KCNG3: variants seen among roughly 807,000 people sequenced by gnomAD.
The protein encoded by KCNG3 is potassium voltage-gated channel modifier subfamily G member 3.
In KCNG3, 15 loss-of-function variants were observed where a neutral mutation model predicts 29.0. The observed-to-expected ratio is 0.52, with a 90% CI of 0.35 to 0.80. The LOEUF (loss-of-function observed/expected upper bound fraction) is 0.80, where lower values mean the gene tolerates loss of function less well. Among genes scored for constraint, KCNG3 ranks in the 30% least tolerant of loss-of-function variants. The pLI is 0.01. For synonymous variants in KCNG3, 322 were observed against 248.9 expected, an observed-to-expected ratio of 1.29 and a Z score of -2.76; for missense variants, 512 against 605.7, an observed-to-expected ratio of 0.85 and a Z score of 1.62.
chr2:42,465,661 G>C (rs1673124769), intron 1 of KCNG3, among the ~76,000 whole-genome samples: 1 of 152,078 alleles, frequency 6.6e-6, no homozygotes, highest in Non-Finnish European at 1.5e-5. Flanking sequence ...CTTTAGTATA[G>C]TAAAAGACAC....
chr2:42,452,243 A>ATATATATATATATATTTT lies in KCNG3; in HGVS notation c.666-7665_666-7664insAAAATATATATATATATA. Among the ~76,000 whole-genome samples the ATATATATATATATATTTT allele has an allele frequency of 2.6e-3, 246 of 95,000 alleles. 1 individual carries two copies. The highest frequency in any genetic ancestry group is 7.3e-3 in the East Asian group (16 of 2,178). The allele number at this position is 95,000 out of a possible 152,430, so 62.3% of individuals were successfully genotyped here. A position where few individuals can be genotyped will look rare whatever the true frequency, so the allele number is the denominator to read the frequency against. Reference sequence around the variant, plus strand: ...TAAATATATATATATATATATATATATTTTTTTTTTTTTTTTAAAGGAAAC... The same window carrying ATATATATATATATATTTT: ...TAAATATATATATATATATATATATATATATATATATATATTTTTTTTTTTTTTTTTTTTAAAGGAAAC... On this transcript the variant is annotated intron_variant, in intron 1 of 1. Coordinates refer to ENST00000306078, the MANE Select transcript of KCNG3 (RefSeq NM_133329.6).
At position 42,493,147 on chromosome 2, in the gene KCNG3, G is replaced by T; in HGVS notation, c.355C>A (p.Arg119Ser). The T allele has an allele frequency of 6.2e-7, 1 of 1,606,202 alleles. No individual in the cohort carries two copies. ...TAGAAGGTGTAGGTGTCGGACATGC[G>T]GTCGTCGAGGCGGCGCTGGCAGCAG... Reference protein sequence around the residue: ...EYCCQRRLDDRMSDTYTFYSA... With the variant: ...EYCCQRRLDDSMSDTYTFYSA... The change falls in exon 1 of 2, where the codon CGC (arginine) becomes AGC (serine). Residue 119 changes from arginine to serine, a missense_variant. By Grantham distance (110) the Arg-to-Ser change is moderately radical (BLOSUM62 -1). Around this residue, in one of 5 missense-constraint regions of KCNG3, gnomAD observed 228 missense variants for 200.0 expected, o/e 1.14. Coordinates refer to ENST00000306078, the MANE Select transcript of KCNG3 (RefSeq NM_133329.6).
chr2:42,444,383 A>T lies in KCNG3; in HGVS notation c.862T>A (p.Leu288Met). 1 of 1,614,172 alleles carries T rather than the reference A, an allele frequency of 6.2e-7. No homozygotes were observed. Among genetic ancestry groups the T allele is most frequent in the African/African-American group, 1.3e-5 (1 of 75,050 alleles). The change falls in exon 2 of 2, where the codon TTG becomes ATG. Residue 288 changes from leucine (L) to methionine (M), a missense_variant. This residue lies in a region of KCNG3 where 173 missense variants were observed against 262.4 expected (regional missense o/e 0.66). Coordinates refer to ENST00000306078, the MANE Select transcript of KCNG3 (RefSeq NM_133329.6). The surrounding 1 kb of genome is among the most constrained non-coding windows in gnomAD (Gnocchi z 5.8). ...ATCCTCATCATTCTAAGTACCCTCA[A>T]GGTGACTCCAGCCCTCTGGAGTTGA... ...NSQLQRAGVT[L>M]RVLRMMRIFW...
At chr2:42,482,016 A>C (rs1415331367) in intron 1 of KCNG3, among the ~76,000 whole-genome samples, 1 of 152,062 alleles carries the variant, frequency 6.6e-6, no homozygotes, top group Non-Finnish European at 1.5e-5. Context: ...TTGAGATGGG[A>C]TCTCACTATG....
At chr2:42,463,604 C>A in intron 1 of KCNG3, 1 of 171,902 alleles carries the variant, frequency 5.8e-6, no homozygotes, top group South Asian at 1.5e-4. Context: ...ATTGAAGCCT[C>A]AACAATCCAC....
In KCNG3 at chr2:42,471,363, C is replaced by A. The variant is rs1044320621; in HGVS notation, c.665+21474G>T. On this transcript the variant is annotated intron_variant, in intron 1 of 1. Transcript: ENST00000306078. ...GGAATAAAATACCACATGGATGAAT[C>A]TTGATAATAAACTAAGTGAAAGCAG... 5.7e-4 allele frequency among the ~76,000 whole-genome samples: 87 copies of A among 151,950 alleles called. 2 individuals are homozygous for A. The highest frequency in any genetic ancestry group is 1.5e-4 in the Non-Finnish European group (10 of 67,998).
chr2:42,443,821 C>T lies in KCNG3; in HGVS notation c.*113G>A. The T allele has an allele frequency of 9.9e-7, 1 of 1,008,388 alleles. No homozygotes were observed. The highest frequency in any genetic ancestry group is 1.5e-6 in the Non-Finnish European group (1 of 682,558). The allele number at this position is 1,008,388 out of a possible 1,614,324, so 62.5% of individuals were successfully genotyped here. On this transcript the variant is annotated 3_prime_UTR_variant, in exon 2 of 2. Coordinates refer to ENST00000306078, the MANE Select transcript of KCNG3 (RefSeq NM_133329.6). ...TCGGCTGGGAAGGATAATTTTTACC[C>T]TACCAAGATGATGACAATGCCACTG...
intron 1 of KCNG3, among the ~76,000 whole-genome samples, chr2:42,454,021 T>C (rs74363642): frequency 2.7e-4 from 40 of 150,596 alleles, no homozygotes; most frequent in Admixed American, 2.5e-3. Flanking sequence ...AATGAGCATA[T>C]GAAAAGATGC....
rs150218818 is a variant in KCNG3, at chr2:42,470,784, G to A, written c.665+22053C>T. On this transcript the variant is annotated intron_variant, in intron 1 of 1. Coordinates refer to ENST00000306078, the MANE Select transcript of KCNG3 (RefSeq NM_133329.6). ...CCAGGTACTCAGGAGGCTGACATGG[G>A]AGGCTGAGGCTGCAGTGAGCCATGG... Among the ~76,000 whole-genome samples the A allele has an allele frequency of 1.3e-3, 200 of 152,158 alleles. 1 individual carries two copies. Among genetic ancestry groups the A allele is most frequent in the Non-Finnish European group, 1.8e-3 (122 of 68,016 alleles).
chr2:42,452,243 A>ATATATATTTTTTTT, intron 1 of KCNG3, among the ~76,000 whole-genome samples: 88 of 95,032 alleles, frequency 9.3e-4, no homozygotes, highest in Non-Finnish European at 1.5e-3. Flanking sequence ...ATATATATAT[A>ATATATATTTTTTTT]TTTTTTTTTT....
At chr2:42,427,509 G>A in the KCNG3 span, among the ~76,000 whole-genome samples, 1 of 152,084 alleles carries the variant, frequency 6.6e-6, no homozygotes, top group African/African-American at 2.4e-5. Context: ...GGGAGGCTGA[G>A]GTGGGAGCAT....
chr2:42,461,145 A>T (rs1274833959), intron 1 of KCNG3, among the ~76,000 whole-genome samples: 3 of 146,232 alleles, frequency 2.1e-5, no homozygotes, highest in African/African-American at 5.1e-5. Flanking sequence ...TGGGTGACAC[A>T]GCAAGACTCT....
At chr2:42,406,315 G>A in the KCNG3 span, among the ~76,000 whole-genome samples, 2 of 151,322 alleles carry the variant, frequency 1.3e-5, no homozygotes, top group Non-Finnish European at 2.9e-5. Context: ...TGCCTCCTGG[G>A]TTCAAGCAAT....
chr2:42,485,334 G>C (rs189167379), intron 1 of KCNG3, among the ~76,000 whole-genome samples: 1 of 152,234 alleles, frequency 6.6e-6, no homozygotes, highest in East Asian at 1.9e-4. Flanking sequence ...CTTAAGCTGA[G>C]ATTGACTAAG....
chr2:42,420,051 C>T, the KCNG3 span, among the ~76,000 whole-genome samples: 1 of 151,998 alleles, frequency 6.6e-6, no homozygotes, highest in African/African-American at 2.4e-5. Flanking sequence ...GGTGAAAACC[C>T]TATCTCTACT....
chr2:42,427,530 C>A, the KCNG3 span, among the ~76,000 whole-genome samples: 2 of 151,702 alleles, frequency 1.3e-5, no homozygotes, highest in Non-Finnish European at 2.9e-5. Flanking sequence ...CACTTGAGCC[C>A]AGGAGGTTGA....
At chr2:42,407,678 C>A in the KCNG3 span, among the ~76,000 whole-genome samples, 1 of 152,120 alleles carries the variant, frequency 6.6e-6, no homozygotes, top group African/African-American at 2.4e-5. Context: ...CAGACCCGGG[C>A]CTCCCTGTGC....
At chr2:42,427,571 A>T in the KCNG3 span, among the ~76,000 whole-genome samples, 1 of 151,988 alleles carries the variant, frequency 6.6e-6, no homozygotes, top group Non-Finnish European at 1.5e-5. Context: ...TCGCCACTGG[A>T]CTCAAGCCTG....
intron 1 of KCNG3, among the ~76,000 whole-genome samples, chr2:42,452,177 G>A (rs1486205687): frequency 6.9e-6 from 1 of 145,470 alleles, no homozygotes; most frequent in African/African-American, 2.5e-5. Flanking sequence ...TTTGATACAG[G>A]CATGCAATGC....
Sources: gnomAD v4.1 joint callset for allele counts (sites outside exome capture counted in the v4.1 genomes callset) on GRCh38, gnomAD v4.1.1 for gene constraint, gnomAD v4.1.1 regional missense constraint, Gnocchi (gnomAD v3.1) non-coding constraint, MANE v1.5 for transcripts, NCBI Gene and HGNC (gene_info 2026-07-23, HGNC 2026-07-21) for gene names.